The following PDE4D variants were observed in gnomAD, a reference collection of about 807,000 sequenced individuals.
PDE4D encodes the protein 3',5'-cyclic-AMP phosphodiesterase 4D.
PDE4D carries 24 observed loss-of-function variants against 87.4 expected under a neutral mutation model. The ratio of observed to expected loss-of-function variants is 0.27; its 90% CI spans 0.20 to 0.39. PDE4D has a LOEUF of 0.39. Among genes scored for constraint, PDE4D ranks in the 10% least tolerant of loss-of-function variants. The probability of loss-of-function intolerance (pLI) is 1.00; values close to 1 mark genes in which losing one functional copy is unlikely to be tolerated. For missense variants in PDE4D, 714 were observed against 1,041.0 expected (o/e 0.69, Z 4.32); for synonymous variants, 384 against 383.2 (o/e 1.00, Z -0.02).
In PDE4D at chr5:60,442,896, A is replaced by G. The variant is rs559177989; in HGVS notation, c.-90+45046T>C. On this transcript the variant is annotated intron_variant, in intron 1 of 16. Coordinates refer to the PDE4D transcript ENST00000502484. ...TAATGTTGAAGCTTTTGTGGGGCAG[A>G]TGGTAGAGCTTTCCAGAAACAGTAG... Among the ~76,000 whole-genome samples the G allele has an allele frequency of 2.0e-5, 3 of 152,248 alleles. No individual in the cohort carries two copies. The East Asian group carries it at 5.8e-4, about 30-fold the overall frequency.
intron 1 of PDE4D, among the ~76,000 whole-genome samples, chr5:60,273,673 A>G (rs927912624): frequency 6.6e-6 from 1 of 152,184 alleles, no homozygotes; most frequent in Non-Finnish European, 1.5e-5. Context: ...ATCAAGAGTG[A>G]TAGAATCCAC....
chr5:60,087,990 C>CT (rs1774715105), intron 2 of PDE4D, among the ~76,000 whole-genome samples: 8 of 151,976 alleles, frequency 5.3e-5, no homozygotes, highest in Admixed American at 5.2e-4. Context: ...AGAAAGAATA[C>CT]TTTAAGCAGC....
intron 3 of PDE4D, among the ~76,000 whole-genome samples, chr5:59,950,944 G>A (rs1758229898): frequency 6.6e-6 from 1 of 152,048 alleles, no homozygotes; most frequent in South Asian, 2.1e-4. Flanking sequence ...GGCATAAATT[G>A]AGTGTTACAG....
chr5:59,481,275 G>A (rs777359836), intron 1 of PDE4D, among the ~76,000 whole-genome samples: 2 of 151,942 alleles, frequency 1.3e-5, no homozygotes, highest in Non-Finnish European at 2.9e-5. Flanking sequence ...GACAGTGGAG[G>A]GAAAGGCAAA....
At chr5:59,336,356 C>A (rs1369891732) in intron 1 of PDE4D, among the ~76,000 whole-genome samples, 1 of 152,180 alleles carries the variant, frequency 6.6e-6, no homozygotes, top group African/African-American at 2.4e-5. Context: ...CATCAGTAAC[C>A]TCAACAGAGC....
intron 6 of PDE4D, among the ~76,000 whole-genome samples, chr5:59,021,878 T>A (rs941265651): frequency 3.9e-5 from 6 of 152,256 alleles, no homozygotes; most frequent in South Asian, 2.1e-4. Flanking sequence ...ATTTTGACAG[T>A]CTCTTTTCAC....
At chr5:59,830,019 T>C (rs914003321) in intron 1 of PDE4D, among the ~76,000 whole-genome samples, 1 of 152,102 alleles carries the variant, frequency 6.6e-6, no homozygotes, top group Non-Finnish European at 1.5e-5. Flanking sequence ...GTCACACTGT[T>C]ACTGCATGCT....
At chr5:59,490,274 T>C (rs1562275876) in intron 1 of PDE4D, among the ~76,000 whole-genome samples, 1 of 152,180 alleles carries the variant, frequency 6.6e-6, no homozygotes, top group Non-Finnish European at 1.5e-5. Flanking sequence ...ATATTTAATA[T>C]ATTGGCTGTT....
chr5:60,503,659 C>A (rs181324927), intron 1 of PDE4D, among the ~76,000 whole-genome samples: 3 of 152,124 alleles, frequency 2.0e-5, no homozygotes, highest in African/African-American at 7.2e-5. Flanking sequence ...GCCTTTTACA[C>A]GCTCACTATT....
intron 1 of PDE4D, among the ~76,000 whole-genome samples, chr5:59,526,245 G>T (rs954551287): frequency 2.6e-5 from 4 of 152,126 alleles, no homozygotes; most frequent in Non-Finnish European, 5.9e-5. Context: ...GAGGCAATGA[G>T]GAGCTTATGT....
chr5:59,076,023 G>T (rs180997075), intron 5 of PDE4D, among the ~76,000 whole-genome samples: 1 of 152,158 alleles, frequency 6.6e-6, no homozygotes, highest in African/African-American at 2.4e-5. Context: ...TTCAACTCTT[G>T]ATCAACCTGA....
chr5:59,522,742 A>T (rs1812463737), intron 1 of PDE4D, among the ~76,000 whole-genome samples: 1 of 152,220 alleles, frequency 6.6e-6, no homozygotes, highest in Non-Finnish European at 1.5e-5. Flanking sequence ...TGCCATTTTC[A>T]GAGCATTACA....
chr5:60,232,433 TA>T (rs1357224551), intron 1 of PDE4D, among the ~76,000 whole-genome samples: 2 of 151,858 alleles, frequency 1.3e-5, no homozygotes, highest in Non-Finnish European at 2.9e-5. Context: ...TTATGATCAG[TA>T]ATAATTCTCC....
intron 1 of PDE4D, among the ~76,000 whole-genome samples, chr5:59,534,554 G>A (rs1814801999): frequency 6.6e-6 from 1 of 152,162 alleles, no homozygotes; most frequent in African/African-American, 2.4e-5. Context: ...ACAGAATGGG[G>A]TTGAAGACTC....
chr5:59,876,469 T>G (rs143077895), intron 1 of PDE4D, among the ~76,000 whole-genome samples: 1 of 152,286 alleles, frequency 6.6e-6, no homozygotes, highest in Non-Finnish European at 1.5e-5. Context: ...ATCTCTTTAT[T>G]CTTTATCCAC....
chr5:59,337,659 G>A (rs928168391), intron 1 of PDE4D, among the ~76,000 whole-genome samples: 2 of 152,102 alleles, frequency 1.3e-5, no homozygotes, highest in African/African-American at 4.8e-5. Context: ...GCTACCAAGT[G>A]GCAGAATCAG....
intron 1 of PDE4D, among the ~76,000 whole-genome samples, chr5:59,686,423 A>G (rs546221776): frequency 2.6e-4 from 40 of 152,294 alleles, no homozygotes; most frequent in African/African-American, 9.6e-4. Flanking sequence ...TGAAGTTTTC[A>G]CAGGCTCTCA....
chr5:60,303,560 G>T (rs1754138628), intron 1 of PDE4D, among the ~76,000 whole-genome samples: 2 of 152,046 alleles, frequency 1.3e-5, no homozygotes, highest in African/African-American at 4.8e-5. Flanking sequence ...GCCCGTCTCG[G>T]CCTCCCAAAG....
chr5:59,132,450 T>C (rs1008001476), intron 5 of PDE4D, among the ~76,000 whole-genome samples: 8 of 152,208 alleles, frequency 5.3e-5, no homozygotes, highest in African/African-American at 1.9e-4. Flanking sequence ...AAATAACTTT[T>C]ACGTGATTCA....
Sources: allele counts gnomAD v4.1 joint callset (sites outside exome capture counted in the v4.1 genomes callset), GRCh38; gene constraint gnomAD v4.1.1; transcripts MANE v1.5; gene names NCBI Gene and HGNC (gene_info 2026-07-23, HGNC 2026-07-21).